LFNG: variants seen among roughly 807,000 people sequenced by gnomAD.
LFNG encodes the protein beta-1,3-N-acetylglucosaminyltransferase lunatic fringe.
Under a neutral mutation model 32.7 loss-of-function variants are expected in LFNG, and 15 were observed. The ratio of observed to expected loss-of-function variants is 0.46; its 90% CI spans 0.31 to 0.71. The LOEUF is 0.71. LFNG is among the 30% of genes least tolerant of loss of function. The pLI, the probability that LFNG is intolerant of heterozygous loss-of-function variation, is 0.06. For missense variants in LFNG, 520 were observed against 545.7 expected (o/e 0.95, Z 0.47); for synonymous variants, 274 against 246.8 (o/e 1.11, Z -1.03).
chr7:2,525,641 G>A (rs2128377474), intron 4 of LFNG, 44 bp from the exon 5 acceptor site: 6 of 1,611,774 alleles, frequency 3.7e-6, no homozygotes, highest in African/African-American at 1.3e-5. Flanking sequence ...GACCGTGAGG[G>A]GCAGCAGCGC....
In LFNG at chr7:2,520,388, TCCCC is replaced by T; in HGVS notation, c.432+96_432+99del. On this transcript the variant is annotated intron_variant, in intron 1 of 7. Transcript: ENST00000222725. This position sits in a 1 kb window ranked among gnomAD's most constrained non-coding sequence, Gnocchi z 5.0. ...AGTGTCCCATGGGAGTCAGGCTGCA[TCCCC>T]ATCCAGCCACTAGGGCCATCTGTGG... 3 of 1,166,990 alleles carry T rather than the reference TCCCC, an allele frequency of 2.6e-6. No individual in the cohort carries two copies. Among genetic ancestry groups the T allele is most frequent in the South Asian group, 1.4e-5 (1 of 69,348 alleles). The allele number at this position is 1,166,990 out of a possible 1,614,324, so 72.3% of individuals were successfully genotyped here.
At chr7:2,519,597 G>A (rs866336857), upstream of LFNG, among the ~76,000 whole-genome samples, 3 of 150,122 alleles carry the variant, frequency 2.0e-5, no homozygotes, top group African/African-American at 7.3e-5. Context: ...CGCGCCGGGG[G>A]CGGGGCCGCT....
chr7:2,513,387 G>T, upstream of LFNG: 1 of 1,513,470 alleles, frequency 6.6e-7, no homozygotes, highest in South Asian at 1.3e-5. Flanking sequence ...GAGCAGCCTG[G>T]AATATCCTTT....
chr7:2,524,215 G>A (rs967422902), intron 1 of LFNG, among the ~76,000 whole-genome samples: 2 of 152,180 alleles, frequency 1.3e-5, no homozygotes, highest in Non-Finnish European at 2.9e-5. Flanking sequence ...GAGTGATTGA[G>A]ACTTGGCTTC....
In LFNG at chr7:2,527,319, C is replaced by G. The variant is rs1379929535; in HGVS notation, c.*107C>G. 6.5e-7 allele frequency: 1 copy of G among 1,541,028 alleles called. No individual in the cohort carries two copies. Among genetic ancestry groups the G allele is most frequent in the East Asian group, 2.4e-5 (1 of 41,394 alleles). On this transcript the variant is annotated 3_prime_UTR_variant, in exon 8 of 8. Coordinates refer to ENST00000222725, the MANE Select transcript of LFNG (RefSeq NM_001040167.2). The surrounding 1 kb of genome is among the most constrained non-coding windows in gnomAD (Gnocchi z 4.4). The stretch of plus-strand genomic sequence containing the variant: ...CATTCGAGGCTCCCCTAGGGCCGTG[C>G]CTGTGCGTGTGCGTGTGCGTGTGTG...
At chr7:2,525,806 C>T in intron 5 of LFNG, 36 bp downstream of exon 5, 6 of 1,573,012 alleles carry the variant, frequency 3.8e-6, no homozygotes, top group Non-Finnish European at 4.3e-6. Flanking sequence ...AGCCCGGTCC[C>T]AGGCTCCTCG....
chr7:2,515,386 G>A (rs1250555940), upstream of LFNG, among the ~76,000 whole-genome samples: 1 of 152,202 alleles, frequency 6.6e-6, no homozygotes, highest in Non-Finnish European at 1.5e-5. Flanking sequence ...CAGGGACACA[G>A]ACGTAAAGGA....
upstream of LFNG, chr7:2,517,761 AG>A: frequency 1.5e-6 from 1 of 682,924 alleles, no homozygotes; most frequent in Admixed American, 2.4e-5. Flanking sequence ...GCTTGGCTGC[AG>A]GGGATTGAGG....
upstream of LFNG, chr7:2,513,296 C>G (rs778897262): frequency 6.2e-7 from 1 of 1,610,896 alleles, no homozygotes; most frequent in Non-Finnish European, 8.5e-7. Flanking sequence ...AACACCAGCT[C>G]TCAGGTCCTA....
intron 1 of LFNG, among the ~76,000 whole-genome samples, chr7:2,521,881 C>T (rs532439567): frequency 5.9e-5 from 9 of 152,286 alleles, no homozygotes; most frequent in East Asian, 5.8e-4. Flanking sequence ...GTGAACCCGG[C>T]GGGCACTCAG....
chr7:2,528,979 C>T (rs576861254), downstream of LFNG: 12 of 491,226 alleles, frequency 2.4e-5, no homozygotes, highest in Admixed American at 7.9e-5. Context: ...TGGGTCCGGC[C>T]GCCCCACAGC....
upstream of LFNG, among the ~76,000 whole-genome samples, chr7:2,518,927 AGGGCC>A (rs1472255402): frequency 6.6e-6 from 1 of 151,818 alleles, no homozygotes; most frequent in Non-Finnish European, 1.5e-5. Context: ...GCCCGTGGGA[AGGGCC>A]GGGGATGGGG....
chr7:2,529,130 G>C, downstream of LFNG: 1 of 368,140 alleles, frequency 2.7e-6, no homozygotes, highest in Non-Finnish European at 4.9e-6. This position sits in a 1 kb window ranked among gnomAD's most constrained non-coding sequence, Gnocchi z 4.2. Context: ...AGATCCAGAC[G>C]CTTGTTTTTT....
rs544123371 is a variant in LFNG, at chr7:2,527,176, G to A, written c.1104G>A (p.Pro368=). 3.3e-4 allele frequency: 530 copies of A among 1,612,920 alleles called. 8 individuals are homozygous for A. In the South Asian group the frequency reaches 4.8e-3, roughly 15 times the overall value. Residue 368 remains proline (P), a synonymous_variant, in exon 8 of 8, where the codon CCG becomes CCA. Coordinates refer to ENST00000222725, the MANE Select transcript of LFNG (RefSeq NM_001040167.2). The surrounding 1 kb of genome is among the most constrained non-coding windows in gnomAD (Gnocchi z 4.4). ...GCTCCATCCACTGCCACCTGTACCC[G>A]GACACACCCTGGTGTCCCCGCACTG... ...RFRSIHCHLY[P]DTPWCPRTAI... is the part of the protein sequence containing the mutation.
In LFNG at chr7:2,520,011, G is replaced by T; in HGVS notation, c.150G>T (p.Gly50=). 1 of 993,730 alleles carries T rather than the reference G, an allele frequency of 1.0e-6. No individual in the cohort carries two copies. The highest frequency in any genetic ancestry group is 4.5e-5 in the South Asian group (1 of 22,138). 61.6% of individuals were successfully genotyped at this position (993,730 alleles called of 1,614,324 possible). A position where few individuals can be genotyped will look rare whatever the true frequency, so the allele number is the denominator to read the frequency against. The change falls in exon 1 of 8, where the codon GGG becomes GGT. Residue 50 remains glycine (G), a synonymous_variant. Coordinates refer to ENST00000222725, the MANE Select transcript of LFNG (RefSeq NM_001040167.2). The surrounding 1 kb of genome is among the most constrained non-coding windows in gnomAD (Gnocchi z 5.0). Reference sequence around the variant, plus strand: ...TGCGCAGCCTGGCGGGCCCCGCGGGGGCTGCCCCGGCGCCCGGGCTGGGGG... The same window carrying T: ...TGCGCAGCCTGGCGGGCCCCGCGGGTGCTGCCCCGGCGCCCGGGCTGGGGG... ...RALRSLAGPA[G]AAPAPGLGAA...
At chr7:2,513,125 C>T (rs1178039824), upstream of LFNG, 3 of 1,610,926 alleles carry the variant, frequency 1.9e-6, no homozygotes, top group African/African-American at 2.7e-5. Context: ...TTTCTAACCC[C>T]TGTTGAATCC....
chr7:2,524,773 C>A lies in LFNG; in HGVS notation c.481+30C>A, dbSNP rs150187375. ...GCCCTGGACTTGGGGCGGGAGGGGG[C>A]CCAGGCCTCCATCCAGAGCCGAACG... On this transcript the variant is annotated intron_variant, in intron 2 of 7. Transcript: ENST00000222725. The A allele has an allele frequency of 6.6e-5, 102 of 1,555,924 alleles. No homozygotes were observed. In the East Asian group the frequency reaches 2.4e-3, roughly 36 times the overall value.
Position 2,519,889 on chromosome 7 carries a change from C to G in LFNG, c.28C>G (p.Leu10Val). 9.1e-7 allele frequency: 1 copy of G among 1,104,734 alleles called. No homozygotes were observed. The highest frequency in any genetic ancestry group is 1.1e-6 in the Non-Finnish European group (1 of 902,082). The allele number at this position is 1,104,734 out of a possible 1,614,324, so 68.4% of individuals were successfully genotyped here. The change falls in exon 1 of 8, where the codon CTG becomes GTG. Residue 10 changes from leucine (L) to valine (V), a missense_variant. Physicochemically the swap from Leu to Val is conservative, Grantham distance 32. Around this residue, in one of 3 missense-constraint regions of LFNG, gnomAD observed 360 missense variants for 354.7 expected, o/e 1.01. Coordinates refer to ENST00000222725, the MANE Select transcript of LFNG (RefSeq NM_001040167.2). MLKRCGRRL[L>V]LALAGALLAC... ...GCTCAAGCGCTGCGGCCGGCGCCTG[C>G]TGCTGGCGCTGGCGGGCGCGCTGCT... is the stretch of plus-strand genomic sequence containing the variant.
chr7:2,527,115 A>G lies in LFNG; in HGVS notation c.1074-31A>G. The G allele has an allele frequency of 6.2e-7, 1 of 1,602,320 alleles. No homozygotes were observed. Among genetic ancestry groups the G allele is most frequent in the Non-Finnish European group, 8.5e-7 (1 of 1,171,264 alleles). On this transcript the variant is annotated intron_variant, in intron 7 of 7. Coordinates refer to ENST00000222725, the MANE Select transcript of LFNG (RefSeq NM_001040167.2). The surrounding 1 kb of genome is among the most constrained non-coding windows in gnomAD (Gnocchi z 4.4). Reference sequence around the variant, plus strand: ...GGAGCTCAGCACCTGCCTGCCACCCACGCAGACCAGCCCCTGCTCTGTTCC... The same window carrying G: ...GGAGCTCAGCACCTGCCTGCCACCCGCGCAGACCAGCCCCTGCTCTGTTCC...
Sources: gnomAD v4.1 joint callset for allele counts (sites outside exome capture counted in the v4.1 genomes callset) on GRCh38, gnomAD v4.1.1 for gene constraint, gnomAD v4.1.1 regional missense constraint, Gnocchi (gnomAD v3.1) non-coding constraint, MANE v1.5 for transcripts, NCBI Gene and HGNC (gene_info 2026-07-23, HGNC 2026-07-21) for gene names.